Variants in GRIP1 observed in about 807,000 individuals in gnomAD.
GRIP1 encodes the protein glutamate receptor-interacting protein 1.
A neutral mutation model predicts 129.9 loss-of-function variants in GRIP1; 45 were observed. The ratio of observed to expected loss-of-function variants is 0.35; its 90% CI spans 0.27 to 0.44. GRIP1 has a LOEUF of 0.44. GRIP1 is among the 20% of genes least tolerant of loss of function. The pLI is 1.00. For synonymous variants in GRIP1, 530 were observed against 520.8 expected, an observed-to-expected ratio of 1.02 and a Z score of -0.24; for missense variants, 1,196 against 1,396.8, an observed-to-expected ratio of 0.86 and a Z score of 2.29.
At chr12:66,592,823 G>C (rs549327032) in intron 2 of GRIP1, among the ~76,000 whole-genome samples, 1 of 152,216 alleles carries the variant, frequency 6.6e-6, no homozygotes, top group South Asian at 2.1e-4. Flanking sequence ...CCCTTCAAGT[G>C]GTCAAACTTC....
intron 1 of GRIP1, among the ~76,000 whole-genome samples, chr12:66,814,781 C>G (rs990807469): frequency 1.3e-5 from 2 of 152,114 alleles, no homozygotes; most frequent in Non-Finnish European, 2.9e-5. Flanking sequence ...TTAATTGACT[C>G]AGTTCTGCAT....
intron 1 of GRIP1, among the ~76,000 whole-genome samples, chr12:66,645,517 C>T (rs751415540): frequency 2.0e-5 from 3 of 152,300 alleles, no homozygotes; most frequent in East Asian, 3.9e-4. Context: ...CTTTGTAACA[C>T]TTTCAGTCAT....
intron 1 of GRIP1, among the ~76,000 whole-genome samples, chr12:66,663,640 G>A (rs781108365): frequency 2.6e-5 from 4 of 152,162 alleles, no homozygotes; most frequent in Non-Finnish European, 5.9e-5. Flanking sequence ...TTTCTGTGCA[G>A]AAGTGAGTGG....
chr12:67,038,374 C>A (rs1019820835), intron 1 of GRIP1, among the ~76,000 whole-genome samples: 21 of 152,140 alleles, frequency 1.4e-4, no homozygotes, highest in Admixed American at 1.3e-4. Flanking sequence ...AAACTGAATT[C>A]CAATTGGTGT....
At chr12:66,551,035 G>A (rs1005703703) in intron 2 of GRIP1, among the ~76,000 whole-genome samples, 4 of 152,136 alleles carry the variant, frequency 2.6e-5, no homozygotes, top group East Asian at 1.9e-4. Context: ...ATTGAAAATC[G>A]GAGTTTACAA....
At chr12:66,713,337 G>T (rs1349287304) in intron 1 of GRIP1, among the ~76,000 whole-genome samples, 1 of 151,944 alleles carries the variant, frequency 6.6e-6, no homozygotes, top group Non-Finnish European at 1.5e-5. Flanking sequence ...TTATGTGCCA[G>T]GTAGTGTGTA....
intron 1 of GRIP1, among the ~76,000 whole-genome samples, chr12:66,992,669 C>T (rs2135647376): frequency 6.6e-6 from 1 of 152,292 alleles, no homozygotes; most frequent in African/African-American, 2.4e-5. Context: ...GGCCATAAAA[C>T]AATCCTAAAA....
intron 1 of GRIP1, among the ~76,000 whole-genome samples, chr12:66,648,193 C>T (rs928108706): frequency 3.1e-5 from 2 of 65,178 alleles, no homozygotes; most frequent in South Asian, 6.6e-4. Flanking sequence ...CCACAGATCC[C>T]GCTCCTGGCT....
intron 1 of GRIP1, among the ~76,000 whole-genome samples, chr12:66,988,015 G>A (rs2042338907): frequency 6.6e-6 from 1 of 152,066 alleles, no homozygotes; most frequent in Non-Finnish European, 1.5e-5. Flanking sequence ...AGCCCCCAAG[G>A]TCTCTGTTTC....
chr12:66,646,617 A>T (rs1419824076), intron 1 of GRIP1, among the ~76,000 whole-genome samples: 1 of 152,208 alleles, frequency 6.6e-6, no homozygotes, highest in Non-Finnish European at 1.5e-5. Context: ...GTTTTACTTG[A>T]TTAAACAAGT....
At chr12:67,020,836 G>A (rs1005315306) in intron 1 of GRIP1, among the ~76,000 whole-genome samples, 15 of 151,990 alleles carry the variant, frequency 9.9e-5, no homozygotes, top group East Asian at 1.9e-4. Flanking sequence ...GCAGTAGCTC[G>A]CACCTATAAT....
At chr12:66,584,374 T>C (rs1301802762) in intron 2 of GRIP1, among the ~76,000 whole-genome samples, 3 of 151,458 alleles carry the variant, frequency 2.0e-5, no homozygotes, top group Admixed American at 6.6e-5. Context: ...AACCTGCACA[T>C]TGTGCACATG....
chr12:66,818,914 C>T (rs1197721769), intron 1 of GRIP1, among the ~76,000 whole-genome samples: 1 of 152,164 alleles, frequency 6.6e-6, no homozygotes, highest in African/African-American at 2.4e-5. Context: ...CCTTGGTTTA[C>T]TGTTATTTTC....
chr12:66,443,449 T>C (rs1191232117), intron 13 of GRIP1, among the ~76,000 whole-genome samples: 2 of 151,126 alleles, frequency 1.3e-5, no homozygotes, highest in African/African-American at 2.5e-5. Flanking sequence ...CTTTTCTCTT[T>C]CTTTTTTTTT....
intron 1 of GRIP1, among the ~76,000 whole-genome samples, chr12:67,025,298 G>A (rs985808444): frequency 3.9e-5 from 6 of 152,050 alleles, no homozygotes; most frequent in Admixed American, 1.3e-4. Flanking sequence ...CTGAGATCAC[G>A]CCACTGCACT....
intron 14 of GRIP1, among the ~76,000 whole-genome samples, chr12:66,426,624 T>C (rs574964548): frequency 2.6e-5 from 4 of 152,292 alleles, no homozygotes; most frequent in African/African-American, 9.6e-5. Context: ...AGATTCTTCC[T>C]CAAGTGTCCA....
At chr12:66,672,195 T>C (rs2034113763) in intron 1 of GRIP1, among the ~76,000 whole-genome samples, 1 of 152,212 alleles carries the variant, frequency 6.6e-6, no homozygotes, top group African/African-American at 2.4e-5. Flanking sequence ...TAGTTTTACC[T>C]TTTCTCCTAA....
chr12:66,373,663 G>T (rs1362493065), intron 22 of GRIP1, among the ~76,000 whole-genome samples: 4 of 152,148 alleles, frequency 2.6e-5, no homozygotes, highest in African/African-American at 4.8e-5. Flanking sequence ...TGTTGAAAAA[G>T]AAATGAAACA....
chr12:66,402,852 T>C lies in GRIP1; in HGVS notation c.1984+3431A>G, dbSNP rs115959574. Among the ~76,000 whole-genome samples, 1,201 of 152,316 alleles carry C rather than the reference T, an allele frequency of 7.9e-3. 16 individuals are homozygous for C. Among genetic ancestry groups the C allele is most frequent in the African/African-American group, 0.028 (1,157 of 41,550 alleles). The stretch of plus-strand genomic sequence containing the variant: ...AATCAGTGACTGTCCAAAGGGTAAA[T>C]GCTTATTTTCCACTCAGTCATATCT... On this transcript the variant is annotated intron_variant, in intron 16 of 24. Coordinates refer to ENST00000359742, the MANE Select transcript of GRIP1 (RefSeq NM_001366722.1).
Sources: allele counts gnomAD v4.1 joint callset (sites outside exome capture counted in the v4.1 genomes callset), GRCh38; gene constraint gnomAD v4.1.1; transcripts MANE v1.5; gene names NCBI Gene and HGNC (gene_info 2026-07-23, HGNC 2026-07-21).